The following ARPC3 variants were observed in gnomAD, a reference collection of about 807,000 sequenced individuals.
ARPC3 encodes the protein actin-related protein 2/3 complex subunit 3.
Under a neutral mutation model 27.6 loss-of-function variants are expected in ARPC3, and 12 were observed. The ratio of observed to expected loss-of-function variants is 0.43; its 90% CI spans 0.28 to 0.70. The LOEUF (loss-of-function observed/expected upper bound fraction) is 0.70, where lower values mean the gene tolerates loss of function less well. Among genes scored for constraint, ARPC3 ranks in the 30% least tolerant of loss-of-function variants. The pLI is 0.17. For missense variants in ARPC3, 153 were observed against 207.7 expected (o/e 0.74, Z 1.62); for synonymous variants, 53 against 67.2 (o/e 0.79, Z 1.03).
At chr12:110,444,267 G>A (rs1196128530) in intron 2 of ARPC3, among the ~76,000 whole-genome samples, 1 of 150,986 alleles carries the variant, frequency 6.6e-6, no homozygotes, top group Non-Finnish European at 1.5e-5. Flanking sequence ...CATCACGCCT[G>A]GCCTTTGCAG....
At chr12:110,439,956 T>C (rs1414621278) in intron 3 of ARPC3, among the ~76,000 whole-genome samples, 1 of 152,218 alleles carries the variant, frequency 6.6e-6, no homozygotes, top group Non-Finnish European at 1.5e-5. Context: ...TTTTAGGTTT[T>C]GTGGGCCATA....
chr12:110,443,919 T>C (rs2062451045), intron 2 of ARPC3, among the ~76,000 whole-genome samples: 1 of 151,988 alleles, frequency 6.6e-6, no homozygotes. Flanking sequence ...TGAATTAGTG[T>C]GATTAATGCT....
Position 110,441,916 on chromosome 12 carries a change from C to T in ARPC3, c.107-1528G>A, listed in dbSNP as rs533243719. On this transcript the variant is annotated intron_variant, in intron 2 of 6. Transcript: ENST00000228825. ...GCATGGTGGCAGGCACCTGTAATCC[C>T]AGCTATTCGGGAGGCTAAGGCAGGA... 2.4e-4 allele frequency among the ~76,000 whole-genome samples: 36 copies of T among 151,534 alleles called. No individual in the cohort carries two copies. The South Asian group carries it at 7.1e-3, about 30-fold the overall frequency.
At chr12:110,438,218 G>A (rs2062416270) in intron 3 of ARPC3, among the ~76,000 whole-genome samples, 1 of 149,892 alleles carries the variant, frequency 6.7e-6, no homozygotes, top group Non-Finnish European at 1.5e-5. Context: ...ATCGCTTGAA[G>A]CCAGGAGGCA....
chr12:110,445,586 GA>G lies in ARPC3; in HGVS notation c.7-36del, dbSNP rs777234507. 5.5e-6 allele frequency: 8 copies of G among 1,464,928 alleles called. No individual in the cohort carries two copies. The Admixed American group carries it at 1.3e-4, about 25-fold the overall frequency. 90.7% of individuals were successfully genotyped at this position (1,464,928 alleles called of 1,614,324 possible). ...CAAGCCCAGGAAGAACACAGAAGCA[GA>G]AAAAGAGCAAATGTCACTGTGGCAA... On this transcript the variant is annotated intron_variant, in intron 1 of 6. Coordinates refer to ENST00000228825, the MANE Select transcript of ARPC3 (RefSeq NM_001278556.2).
In ARPC3 at chr12:110,445,544, T is replaced by C. The variant is rs150402076; in HGVS notation, c.14A>G (p.His5Arg). The change falls in exon 2 of 7, where the codon CAC (histidine) becomes CGC (arginine). Residue 5 changes from histidine to arginine, a missense_variant. By Grantham distance (29) the His-to-Arg change is conservative. Coordinates refer to ENST00000228825, the MANE Select transcript of ARPC3 (RefSeq NM_001278556.2). ...GGTATCAGGATCCATGAGAGAAGAGTGGTAAGCCTGTAATGGCAAGCCCAG... is the reference window on the plus strand; with the variant it reads ...GGTATCAGGATCCATGAGAGAAGAGCGGTAAGCCTGTAATGGCAAGCCCAG... MPAY[H>R]SSLMDPDTKL... The C allele has an allele frequency of 9.9e-6, 16 of 1,610,008 alleles. No homozygotes were observed. The African/African-American group carries it at 2.0e-4, about 20-fold the overall frequency.
rs1435517181 is a variant in ARPC3 at position 110,435,077 on chromosome 12, A to T, written c.*78T>A. The T allele has an allele frequency of 1.7e-6, 2 of 1,151,140 alleles. No individual in the cohort carries two copies. The highest frequency in any genetic ancestry group is 1.5e-5 in the African/African-American group (1 of 65,970). 71.3% of individuals were successfully genotyped at this position (1,151,140 alleles called of 1,614,324 possible). A position where few individuals can be genotyped will look rare whatever the true frequency, so the allele number is the denominator to read the frequency against. On this transcript the variant is annotated 3_prime_UTR_variant, in exon 7 of 7. Transcript: ENST00000228825. ...TCTCTTCTGTATAAAACTTTACGAA[A>T]TAAAGGCAAAAGATTGTGTACATCT...
In ARPC3 at chr12:110,436,134, G is replaced by A. The variant is rs1430110157; in HGVS notation, c.450C>T (p.Asp150=). 1 of 1,613,254 alleles carries A rather than the reference G, an allele frequency of 6.2e-7. No individual in the cohort carries two copies. The highest frequency in any genetic ancestry group is 1.3e-5 in the African/African-American group (1 of 74,898). ...CCTTGCTGGGTTTATCATTCTGAGG[G>A]TCGAAAACTTTCTCACAAAGTCTCA... ...TGLRLCEKVF[D]PQNDKPSKWW... Residue 150 remains aspartate, a synonymous_variant, in exon 6 of 7, where the codon GAC becomes GAT. Transcript: ENST00000228825.
chr12:110,440,292 T>C lies in ARPC3; in HGVS notation c.183+20A>G, dbSNP rs770798759. Reference sequence around the variant, plus strand: ...CCCTATGAGAAAACTAAGTTAAATATTAAAAGCTCCGTAATTTACCTTAAT... The same window carrying C: ...CCCTATGAGAAAACTAAGTTAAATACTAAAAGCTCCGTAATTTACCTTAAT... On this transcript the variant is annotated intron_variant, in intron 3 of 6. Coordinates refer to ENST00000228825, the MANE Select transcript of ARPC3 (RefSeq NM_001278556.2). 1.3e-6 allele frequency: 2 copies of C among 1,546,404 alleles called. No individual in the cohort carries two copies. The highest frequency in any genetic ancestry group is 1.4e-5 in the African/African-American group (1 of 73,544).
rs145277882 is a variant in ARPC3, at chr12:110,435,018, G to T, written c.*137C>A. 2 of 763,202 alleles carry T rather than the reference G, an allele frequency of 2.6e-6. No individual in the cohort carries two copies. Among genetic ancestry groups the T allele is most frequent in the African/African-American group, 1.7e-5 (1 of 58,142 alleles). The allele number at this position is 763,202 out of a possible 1,614,324, so 47.3% of individuals were successfully genotyped here. On this transcript the variant is annotated 3_prime_UTR_variant, in exon 7 of 7. Coordinates refer to ENST00000228825, the MANE Select transcript of ARPC3 (RefSeq NM_001278556.2). ...TTTCTTTTCTCCCACCCAAATTCTT[G>T]ATCAAGAGTTTTTCAAGTAAAGACA...
At position 110,450,242 on chromosome 12, in the gene ARPC3, A is replaced by T. The variant is rs2062494235; in HGVS notation, c.6+13T>A. 6.2e-7 allele frequency: 1 copy of T among 1,613,990 alleles called. No individual in the cohort carries two copies. The highest frequency in any genetic ancestry group is 1.7e-5 in the Admixed American group (1 of 59,992). On this transcript the variant is annotated intron_variant, in intron 1 of 6. Coordinates refer to ENST00000228825, the MANE Select transcript of ARPC3 (RefSeq NM_001278556.2). The stretch of plus-strand genomic sequence containing the variant: ...TCCCCGCTGTCTCCCCACACCGTGG[A>T]TCGAACCCTCACCGGCATCTTGGCG...
intron 3 of ARPC3, among the ~76,000 whole-genome samples, chr12:110,438,084 C>G (rs1301606090): frequency 1.3e-5 from 2 of 151,000 alleles, no homozygotes; most frequent in Non-Finnish European, 3.0e-5. Context: ...TTGCTTGAGC[C>G]CAGGAGTTTG....
intron 2 of ARPC3, among the ~76,000 whole-genome samples, chr12:110,443,835 A>G (rs2062450648): frequency 6.6e-6 from 1 of 152,256 alleles, no homozygotes; most frequent in African/African-American, 2.4e-5. Flanking sequence ...GAGGGGGCAA[A>G]GGCCAAAGGA....
rs183434603 is a variant in ARPC3 at position 110,448,737 on chromosome 12, T to G, written c.6+1518A>C. Among the ~76,000 whole-genome samples the G allele has an allele frequency of 2.8e-3, 352 of 126,476 alleles. 4 individuals carry two copies. Among genetic ancestry groups the G allele is most frequent in the African/African-American group, 0.01 (340 of 33,754 alleles). 83.0% of individuals were successfully genotyped at this position (126,476 alleles called of 152,430 possible). A position where few individuals can be genotyped will look rare whatever the true frequency, so the allele number is the denominator to read the frequency against. ...TATCTAAAGCAGCCTCCGCCTTCCC[T>G]CTCACCAACTGTCTTGTTACCCATC... On this transcript the variant is annotated intron_variant, in intron 1 of 6. Transcript: ENST00000228825.
At chr12:110,445,724 C>T in intron 1 of ARPC3, 173 bp from the exon 2 acceptor site, 1 of 642,034 alleles carries the variant, frequency 1.6e-6, no homozygotes, top group South Asian at 1.7e-5. Flanking sequence ...CTCAAGAAAA[C>T]CAATTGTTAA....
intron 1 of ARPC3, among the ~76,000 whole-genome samples, chr12:110,448,539 A>G (rs990002964): frequency 3.9e-4 from 59 of 151,682 alleles, no homozygotes; most frequent in African/African-American, 1.4e-3. Context: ...TTAGCTGGGC[A>G]TGGTGGCGTA....
In ARPC3 at chr12:110,436,580, T is replaced by C. The variant is rs773655586; in HGVS notation, c.356A>G (p.Lys119Arg). The change falls in exon 5 of 7, where the codon AAA becomes AGA. Residue 119 changes from lysine (K) to arginine (R), a missense_variant. Physicochemically the swap from Lys to Arg is conservative, Grantham distance 26. Coordinates refer to ENST00000228825, the MANE Select transcript of ARPC3 (RefSeq NM_001278556.2). ...PGFPLNAIYA[K>R]PANKQEDEVM... is the part of the protein sequence containing the mutation. Reference sequence around the variant, plus strand: ...ACCATCTTCCTGTTTGTTTGCAGGTTTGGCATAAATTGCGTTAAGTGGAAA... The same window carrying C: ...ACCATCTTCCTGTTTGTTTGCAGGTCTGGCATAAATTGCGTTAAGTGGAAA... The C allele has an allele frequency of 6.2e-7, 1 of 1,613,774 alleles. No homozygotes were observed. Among genetic ancestry groups the C allele is most frequent in the Non-Finnish European group, 8.5e-7 (1 of 1,179,808 alleles).
rs562850018 is a variant in ARPC3, at chr12:110,440,399, C to T, written c.107-11G>A. ...TATCTGTATCTTTTGCTAAGCAGGA[C>T]ACAAGGGAAGGAGCACAGAGAACAT... On this transcript the variant is annotated splice_polypyrimidine_tract_variant and intron_variant, in intron 2 of 6. Coordinates refer to ENST00000228825, the MANE Select transcript of ARPC3 (RefSeq NM_001278556.2). 6.3e-7 allele frequency: 1 copy of T among 1,592,146 alleles called. No individual in the cohort carries two copies. The highest frequency in any genetic ancestry group is 2.2e-5 in the East Asian group (1 of 44,752).
rs765628254 is a variant in ARPC3 at position 110,440,371 on chromosome 12, C to T, written c.124G>A (p.Val42Met). The T allele has an allele frequency of 1.7e-5, 28 of 1,610,530 alleles. No homozygotes were observed. In the Admixed American group the frequency reaches 3.7e-4, roughly 21 times the overall value. Residue 42 changes from valine to methionine, a missense_variant, in exon 3 of 7, where the codon GTG (valine) becomes ATG (methionine). Physicochemically the swap from Val to Met is conservative, Grantham distance 21 (BLOSUM62 1). Transcript: ENST00000228825. ...TTGAAGTAATAGATGGCTTCATCCA[C>T]AATATCTGTATCTTTTGCTAAGCAG... ...APRETKDTDI[V>M]DEAIYYFKAN...
Sources: allele counts gnomAD v4.1 joint callset (sites outside exome capture counted in the v4.1 genomes callset), GRCh38; gene constraint gnomAD v4.1.1; transcripts MANE v1.5; gene names NCBI Gene and HGNC (gene_info 2026-07-23, HGNC 2026-07-21).